The following RTTN variants were observed in gnomAD, a reference collection of about 807,000 sequenced individuals.
The protein encoded by RTTN is rotatin.
RTTN carries 182 observed loss-of-function variants against 269.2 expected under a neutral mutation model. The ratio of observed to expected loss-of-function variants is 0.68; its 90% CI spans 0.60 to 0.76. The LOEUF is 0.76. Among genes scored for constraint, RTTN ranks in the 30% least tolerant of loss-of-function variants. The pLI, the probability that RTTN is intolerant of heterozygous loss-of-function variation, is 0.00. For missense variants in RTTN, 2,545 were observed against 2,608.6 expected (o/e 0.98, Z 0.53); for synonymous variants, 1,006 against 963.5 (o/e 1.04, Z -0.82).
intron 43 of RTTN, among the ~76,000 whole-genome samples, chr18:70,028,208 G>A (rs780983771): frequency 7.9e-5 from 12 of 151,760 alleles, no homozygotes; most frequent in Non-Finnish European, 1.6e-4. Context: ...GCTTACAGAC[G>A]AAGCAAAACA....
chr18:70,163,909 A>G (rs1200458606), intron 14 of RTTN, among the ~76,000 whole-genome samples: 2 of 152,190 alleles, frequency 1.3e-5, no homozygotes, highest in African/African-American at 2.4e-5. Flanking sequence ...ATGTTGATAC[A>G]TGTTACAACA....
At position 70,024,867 on chromosome 18, in the gene RTTN, A is replaced by G. The variant is rs1281937334; in HGVS notation, c.5824-19T>C. On this transcript the variant is annotated intron_variant, in intron 43 of 48. Coordinates refer to ENST00000640769, the MANE Select transcript of RTTN (RefSeq NM_173630.4). ...CTGCTTCCTGTTGAAGGAAGGGAAAAAGACAGCATTAGTCTGAATATATGA... is the reference window on the plus strand; with the variant it reads ...CTGCTTCCTGTTGAAGGAAGGGAAAGAGACAGCATTAGTCTGAATATATGA... 3 of 1,611,206 alleles carry G rather than the reference A, an allele frequency of 1.9e-6. No individual in the cohort carries two copies. In the African/African-American group the frequency reaches 4.0e-5, roughly 22 times the overall value.
At chr18:70,187,736 C>T (rs1053860458) in intron 10 of RTTN, among the ~76,000 whole-genome samples, 2 of 152,082 alleles carry the variant, frequency 1.3e-5, no homozygotes, top group African/African-American at 4.8e-5. Flanking sequence ...GCTGATATTG[C>T]TAGGAACGAA....
intron 36 of RTTN, among the ~76,000 whole-genome samples, chr18:70,058,268 G>A (rs1189498262): frequency 5.9e-5 from 9 of 152,196 alleles, no homozygotes; most frequent in African/African-American, 2.4e-5. Flanking sequence ...TGTAATCCCA[G>A]CACTTTGGGA....
Position 70,006,437 on chromosome 18 carries a change from T to G in RTTN, c.6469A>C (p.Asn2157His), listed in dbSNP as rs2056189163. ...LAACLESENQ[N>H]AQRIGAAALW... ...GCAGCTGCTCCAATCCTCTGAGCAT[T>G]TTGATTCTCACTTTCCAGACAGGCA... The change falls in exon 47 of 49, where the codon AAT becomes CAT. Residue 2157 changes from asparagine to histidine, a missense_variant. Asn to His is a moderately conservative substitution (Grantham distance 68). Transcript: ENST00000640769. 6.2e-7 allele frequency: 1 copy of G among 1,613,984 alleles called. No homozygotes were observed. Among genetic ancestry groups the G allele is most frequent in the African/African-American group, 1.3e-5 (1 of 74,928 alleles).
chr18:70,006,955 A>G (rs1369899620), intron 46 of RTTN: 1 of 153,546 alleles, frequency 6.5e-6, no homozygotes, highest in African/African-American at 2.4e-5. Context: ...TTTAAAAATG[A>G]CTAGGGTGGC....
At chr18:70,043,974 AAAAG>A (rs2057418364) in intron 40 of RTTN, among the ~76,000 whole-genome samples, 1 of 152,224 alleles carries the variant, frequency 6.6e-6, no homozygotes, top group Non-Finnish European at 1.5e-5. Flanking sequence ...CAAAAAGAGA[AAAAG>A]AAATCAAGAC....
Position 70,051,416 on chromosome 18 carries a change from G to T in RTTN, c.5318C>A (p.Ala1773Glu). 1 of 1,601,028 alleles carries T rather than the reference G, an allele frequency of 6.2e-7. No homozygotes were observed. The highest frequency in any genetic ancestry group is 8.5e-7 in the Non-Finnish European group (1 of 1,176,698). ...TTATGCAAGTATCTTCTTACCAATCGCCGCTGTCCAGTGCTTGGCCAGGGC... is the reference window on the plus strand; with the variant it reads ...TTATGCAAGTATCTTCTTACCAATCTCCGCTGTCCAGTGCTTGGCCAGGGC... ...TVALAKHWTA[A>E]IDMFCTCAGL... is the part of the protein sequence containing the mutation. The change falls in exon 39 of 49, where the codon GCG (alanine) becomes GAG (glutamate). Residue 1773 changes from alanine (A) to glutamate (E), a missense_variant. Transcript: ENST00000640769.
At position 70,073,905 on chromosome 18, in the gene RTTN, C is replaced by G; in HGVS notation, c.4653+1G>C. ...AGGACTTATGCATTCTTTGCAAGTA[C>G]CGTTGTTTCTGAGGTGGAGAGAGAA... On this transcript the variant is annotated splice_donor_variant, in intron 34 of 48. Transcript: ENST00000640769. LOFTEE classifies it high-confidence loss of function. 1 of 1,605,894 alleles carries G rather than the reference C, an allele frequency of 6.2e-7. No homozygotes were observed. The highest frequency in any genetic ancestry group is 8.5e-7 in the Non-Finnish European group (1 of 1,173,292).
intron 12 of RTTN, 142 bp from the exon 13 acceptor site, chr18:70,167,173 A>C (rs1054245075): frequency 1.2e-5 from 7 of 602,394 alleles, no homozygotes; most frequent in Non-Finnish European, 2.0e-5. Context: ...CTTTCTCATC[A>C]AGCAACCTAA....
chr18:70,189,154 T>C (rs2061613700), intron 9 of RTTN, among the ~76,000 whole-genome samples: 1 of 152,226 alleles, frequency 6.6e-6, no homozygotes, highest in Non-Finnish European at 1.5e-5. Context: ...TCTTCTCAGC[T>C]TACCAGACAG....
intron 30 of RTTN, among the ~76,000 whole-genome samples, chr18:70,089,921 G>T (rs1280029270): frequency 6.6e-6 from 1 of 152,094 alleles, no homozygotes; most frequent in African/African-American, 2.4e-5. Flanking sequence ...TAAGCAAAAA[G>T]AAACAAGAAC....
At chr18:70,015,828 T>C (rs8090380) in intron 46 of RTTN, among the ~76,000 whole-genome samples, 130,895 of 150,398 alleles carry the variant, frequency 0.87, 59,243 homozygotes, top group East Asian at 1. Context: ...TAAGTAGCCC[T>C]CAAAGAAAAA....
chr18:70,205,027 C>A, intron 2 of RTTN, 101 bp downstream of exon 2: 1 of 1,224,718 alleles, frequency 8.2e-7, no homozygotes, highest in Admixed American at 2.3e-5. Flanking sequence ...ATTAAAAAAA[C>A]TTTTAACCCC....
intron 7 of RTTN, chr18:70,194,855 T>C (rs1355290251): frequency 6.6e-6 from 1 of 152,222 alleles, no homozygotes; most frequent in Non-Finnish European, 1.5e-5. Flanking sequence ...TGAAGAGGTT[T>C]AGAAACAGAT....
intron 19 of RTTN, among the ~76,000 whole-genome samples, chr18:70,141,759 T>TA (rs1396105852): frequency 1.3e-5 from 2 of 152,132 alleles, no homozygotes; most frequent in Non-Finnish European, 2.9e-5. Context: ...CCCTAGAACT[T>TA]AAAGTATAAT....
intron 26 of RTTN, among the ~76,000 whole-genome samples, chr18:70,115,478 T>G (rs2059580960): frequency 6.6e-6 from 1 of 151,552 alleles, no homozygotes; most frequent in Non-Finnish European, 1.5e-5. Flanking sequence ...AATAGATATA[T>G]GGGATATTTA....
chr18:70,049,882 T>C (rs73964482), intron 39 of RTTN, among the ~76,000 whole-genome samples: 4,073 of 152,282 alleles, frequency 0.027, 179 homozygotes, highest in African/African-American at 0.092. Context: ...TCTGATGTGA[T>C]GAGAAAGTTA....
Position 70,024,795 on chromosome 18 carries a change from C to T in RTTN, c.5877G>A (p.Trp1959Ter), listed in dbSNP as rs373987090. ...GCATCAATGAATCATCCATCAAAAT[C>T]CAAGGCCAGAGAGAGTGCAAGACAG... ...LVPVLHSLWP[W>*]ILMDDSLMQI... The change falls in exon 44 of 49, where the codon TGG becomes TGA. Residue 1959 changes from tryptophan to a stop codon, truncating the protein, a stop_gained. Transcript: ENST00000640769. LOFTEE classifies it high-confidence loss of function. 1 of 1,614,000 alleles carries T rather than the reference C, an allele frequency of 6.2e-7. No homozygotes were observed. The highest frequency in any genetic ancestry group is 8.5e-7 in the Non-Finnish European group (1 of 1,179,924).
Sources: allele counts gnomAD v4.1 joint callset (sites outside exome capture counted in the v4.1 genomes callset), GRCh38; gene constraint gnomAD v4.1.1; transcripts MANE v1.5; gene names NCBI Gene and HGNC (gene_info 2026-07-23, HGNC 2026-07-21).